Variants in FSTL5 observed in about 807,000 individuals in gnomAD.
FSTL5 encodes the protein follistatin like 5, also known as follistatin-related protein 5.
FSTL5 carries 62 observed loss-of-function variants against 89.1 expected under a neutral mutation model. The ratio of observed to expected loss-of-function variants is 0.70; its 90% CI spans 0.57 to 0.86. The LOEUF (loss-of-function observed/expected upper bound fraction) is 0.86. Ranked by LOEUF, FSTL5 falls within the 40% of genes least tolerant of loss-of-function variation. The pLI, the probability that FSTL5 is intolerant of heterozygous loss-of-function variation, is 0.00. For missense variants in FSTL5, 1,057 were observed against 1,001.6 expected (o/e 1.06, Z -0.75); for synonymous variants, 383 against 346.2 (o/e 1.11, Z -1.18).
At chr4:162,035,559 A>T (rs575891628) in intron 2 of FSTL5, among the ~76,000 whole-genome samples, 1 of 152,176 alleles carries the variant, frequency 6.6e-6, no homozygotes, top group South Asian at 2.1e-4. Flanking sequence ...TTTAATAGGA[A>T]ATACAATCTG....
intron 3 of FSTL5, 27 bp from the exon 4 acceptor site, chr4:161,920,679 T>A: frequency 6.3e-7 from 1 of 1,586,784 alleles, no homozygotes; most frequent in Non-Finnish European, 8.6e-7. Flanking sequence ...AAATTGAAAA[T>A]CGTTTGGTTC....
At chr4:161,908,356 T>C (rs11932707) in intron 4 of FSTL5, among the ~76,000 whole-genome samples, 2,121 of 152,076 alleles carry the variant, frequency 0.014, 56 homozygotes, top group African/African-American at 0.048. Flanking sequence ...ACGAACATAC[T>C]TTATCTTTCT....
At chr4:161,759,359 A>T in intron 6 of FSTL5, 52 bp downstream of exon 6, 5 of 1,542,050 alleles carry the variant, frequency 3.2e-6, no homozygotes, top group Non-Finnish European at 4.4e-6. Context: ...ATATTGTGTA[A>T]AGCAACAGGA....
At chr4:162,066,370 TCTCC>T (rs1738913975) in intron 2 of FSTL5, among the ~76,000 whole-genome samples, 2 of 137,738 alleles carry the variant, frequency 1.5e-5, no homozygotes, top group South Asian at 2.6e-4. Context: ...TTCTTCTTCT[TCTCC>T]TTCTTCTTCT....
chr4:161,598,053 TCTC>T (rs1191996965), intron 7 of FSTL5, among the ~76,000 whole-genome samples: 1 of 152,104 alleles, frequency 6.6e-6, no homozygotes, highest in African/African-American at 2.4e-5. Context: ...TAATCCAAAA[TCTC>T]AACACAATTT....
intron 1 of FSTL5, among the ~76,000 whole-genome samples, chr4:162,141,545 G>A (rs888346298): frequency 6.6e-6 from 1 of 152,178 alleles, no homozygotes; most frequent in Admixed American, 6.5e-5. Flanking sequence ...TGTACAGCCT[G>A]TAGAACCGTA....
chr4:162,002,771 C>A (rs574316486), intron 3 of FSTL5, among the ~76,000 whole-genome samples: 19 of 150,590 alleles, frequency 1.3e-4, no homozygotes, highest in Admixed American at 6.7e-4. Context: ...TATTGGTAAT[C>A]AAATACCACA....
intron 3 of FSTL5, among the ~76,000 whole-genome samples, chr4:162,033,189 G>C (rs905126580): frequency 5.9e-5 from 9 of 152,112 alleles, no homozygotes; most frequent in African/African-American, 2.2e-4. Flanking sequence ...AGGAGCTATT[G>C]CCAACTTTTA....
intron 2 of FSTL5, among the ~76,000 whole-genome samples, chr4:162,105,350 C>T (rs1398455930): frequency 6.6e-6 from 1 of 152,130 alleles, no homozygotes; most frequent in South Asian, 2.1e-4. Context: ...GAAACTTTTA[C>T]AAACATCTTC....
chr4:162,112,775 T>TCACACACACACACACACACACA (rs71598742), intron 1 of FSTL5, among the ~76,000 whole-genome samples: 5 of 139,424 alleles, frequency 3.6e-5, no homozygotes, highest in South Asian at 4.9e-4. Flanking sequence ...ACCGACACAA[T>TCACACACACACACACACACACA]CACACACACA....
chr4:161,927,338 G>T (rs962035650), intron 3 of FSTL5, among the ~76,000 whole-genome samples: 1 of 151,114 alleles, frequency 6.6e-6, no homozygotes, highest in African/African-American at 2.4e-5. Flanking sequence ...ATAGCAGATA[G>T]ATATTCTCAA....
At chr4:161,393,344 C>G (rs1333002237) in intron 15 of FSTL5, among the ~76,000 whole-genome samples, 1 of 151,786 alleles carries the variant, frequency 6.6e-6, no homozygotes, top group Non-Finnish European at 1.5e-5. Flanking sequence ...TATGCACAAT[C>G]TACTATGTGT....
intron 2 of FSTL5, among the ~76,000 whole-genome samples, chr4:162,107,008 A>G (rs1731249740): frequency 2.6e-5 from 4 of 152,192 alleles, no homozygotes. Context: ...GCCCAGATGC[A>G]TTGCATGGCA....
At chr4:162,156,919 T>A (rs1362753802) in intron 1 of FSTL5, among the ~76,000 whole-genome samples, 3 of 152,102 alleles carry the variant, frequency 2.0e-5, no homozygotes, top group African/African-American at 7.2e-5. Context: ...TAATTTAACT[T>A]TTTTTAAAAA....
At chr4:161,409,777 T>C (rs973256908) in intron 15 of FSTL5, among the ~76,000 whole-genome samples, 4 of 152,144 alleles carry the variant, frequency 2.6e-5, no homozygotes, top group Admixed American at 2.0e-4. Flanking sequence ...AAAGCACACA[T>C]GAACACATAG....
At chr4:162,132,166 G>C (rs1732326904) in intron 1 of FSTL5, among the ~76,000 whole-genome samples, 1 of 152,160 alleles carries the variant, frequency 6.6e-6, no homozygotes. Context: ...TAAACAGTGT[G>C]ATTTCAGTGT....
chr4:162,037,285 G>A (rs1398169122), intron 2 of FSTL5, among the ~76,000 whole-genome samples: 1 of 151,828 alleles, frequency 6.6e-6, no homozygotes, highest in Non-Finnish European at 1.5e-5. Flanking sequence ...GATGCAGGAG[G>A]TTTCTAGGTT....
intron 4 of FSTL5, among the ~76,000 whole-genome samples, chr4:161,834,328 A>C (rs1730956448): frequency 6.6e-6 from 1 of 152,176 alleles, no homozygotes; most frequent in Admixed American, 6.6e-5. Context: ...ATCTATGACA[A>C]ACCCACAGCC....
At chr4:161,735,665 T>C (rs180876252) in intron 6 of FSTL5, among the ~76,000 whole-genome samples, 118 of 152,294 alleles carry the variant, frequency 7.7e-4, no homozygotes, top group Non-Finnish European at 1.5e-3. Context: ...ATAAATACTT[T>C]CATTTGTTAT....
Sources: gnomAD v4.1 joint callset for allele counts (sites outside exome capture counted in the v4.1 genomes callset) on GRCh38, gnomAD v4.1.1 for gene constraint, MANE v1.5 for transcripts, NCBI Gene and HGNC (gene_info 2026-07-23, HGNC 2026-07-21) for gene names.